The following PCDH11Y variants were observed in gnomAD, a reference collection of about 807,000 sequenced individuals.
PCDH11Y encodes the protein protocadherin 11 Y-linked, also known as protocadherin-11 Y-linked.
For synonymous variants in PCDH11Y, 9 were observed against 83.6 expected (o/e 0.11, Z 4.87); for missense variants, 12 against 224.8 (o/e 0.05, Z 6.05).
chrY:5,161,999 G>A, intron 2 of PCDH11Y, among the ~76,000 whole-genome samples: 1 of 32,013 alleles, frequency 3.1e-5, no homozygotes. Flanking sequence ...TAAGGAGACA[G>A]AGATGGTTAG....
intron 2 of PCDH11Y, among the ~76,000 whole-genome samples, chrY:5,408,061 T>G (rs1602921018): frequency 3.7e-4 from 12 of 32,823 alleles, no homozygotes; most frequent in African/African-American, 1.4e-3. Flanking sequence ...AAGGACATTC[T>G]ATAAAATACC....
chrY:5,325,561 G>T, intron 2 of PCDH11Y, among the ~76,000 whole-genome samples: 2 of 33,382 alleles, frequency 6.0e-5, no homozygotes, highest in Non-Finnish European at 1.5e-4. Flanking sequence ...AGAATTGGGA[G>T]GACCTAGGAC....
In PCDH11Y at chrY:5,578,387, C is replaced by T. The variant is rs375426439; in HGVS notation, c.3329-3388C>T. ...TTCATTTTTTTTCATGCTGATTCTGCCATATCCTGTGACCTTCAGTATAAA... is the reference window on the plus strand; with the variant it reads ...TTCATTTTTTTTCATGCTGATTCTGTCATATCCTGTGACCTTCAGTATAAA... On this transcript the variant is annotated intron_variant, in intron 3 of 4. Transcript: ENST00000400457. 5.0e-3 allele frequency among the ~76,000 whole-genome samples: 168 copies of T among 33,410 alleles called. No individual in the cohort carries two copies. The South Asian group carries it at 0.073, about 14-fold the overall frequency. The allele number at this position is 33,410 out of a possible 37,273, so 89.6% of individuals were successfully genotyped here. A position where few individuals can be genotyped will look rare whatever the true frequency, so the allele number is the denominator to read the frequency against.
intron 4 of PCDH11Y, among the ~76,000 whole-genome samples, chrY:5,704,343 T>A: frequency 3.0e-5 from 1 of 32,981 alleles, no homozygotes. Flanking sequence ...ACAATTCCAC[T>A]TGAGATTTGG....
At chrY:5,275,881 T>C in intron 2 of PCDH11Y, among the ~76,000 whole-genome samples, 1 of 33,542 alleles carries the variant, frequency 3.0e-5, no homozygotes, top group South Asian at 6.6e-4. Flanking sequence ...TATTGGAAAT[T>C]GGATGATTCA....
At chrY:5,727,871 A>T (rs2124714748) in intron 4 of PCDH11Y, among the ~76,000 whole-genome samples, 1 of 32,765 alleles carries the variant, frequency 3.1e-5, no homozygotes, top group South Asian at 6.9e-4. Context: ...CACCATTTTC[A>T]TATAGAGAAC....
At chrY:5,100,948 G>A in exon 2 of PCDH11Y, 1 of 327,816 alleles carries the variant, frequency 3.1e-6, no homozygotes, top group South Asian at 4.4e-5. Context: ...TTTGTCTGTA[G>A]ATGGCAGTAT....
At chrY:5,220,818 G>T in intron 2 of PCDH11Y, among the ~76,000 whole-genome samples, 1 of 25,421 alleles carries the variant, frequency 3.9e-5, no homozygotes, top group South Asian at 1.0e-3. Flanking sequence ...CCCGGTTCAA[G>T]TGATGATTCT....
intron 1 of PCDH11Y, among the ~76,000 whole-genome samples, chrY:5,016,339 T>C: frequency 3.1e-5 from 1 of 32,592 alleles, no homozygotes; most frequent in South Asian, 6.9e-4. Flanking sequence ...TTGGTCAGTG[T>C]GCTTTTCACT....
intron 2 of PCDH11Y, among the ~76,000 whole-genome samples, chrY:5,460,563 G>C: frequency 6.2e-5 from 2 of 32,215 alleles, no homozygotes; most frequent in Non-Finnish European, 1.5e-4. Flanking sequence ...TGCAAGATGA[G>C]TTATTTCTGC....
At chrY:5,723,012 T>C in intron 4 of PCDH11Y, among the ~76,000 whole-genome samples, 1 of 32,016 alleles carries the variant, frequency 3.1e-5, no homozygotes. Context: ...TATAAACAAT[T>C]GTATAAGATA....
At chrY:5,238,942 T>A in intron 2 of PCDH11Y, among the ~76,000 whole-genome samples, 1 of 32,478 alleles carries the variant, frequency 3.1e-5, no homozygotes, top group African/African-American at 1.2e-4. Context: ...CTGGAGAGGA[T>A]GTGGAGAAAT....
At chrY:5,471,762 CT>C in intron 2 of PCDH11Y, among the ~76,000 whole-genome samples, 1 of 32,400 alleles carries the variant, frequency 3.1e-5, no homozygotes, top group Admixed American at 2.9e-4. Context: ...ATACTTTATA[CT>C]TTGTATACAG....
chrY:5,389,009 C>T, intron 2 of PCDH11Y, among the ~76,000 whole-genome samples: 1 of 33,568 alleles, frequency 3.0e-5, no homozygotes, highest in Non-Finnish European at 7.3e-5. Context: ...ATTTATGACA[C>T]GGGCTTCTTC....
chrY:5,436,680 G>A, intron 2 of PCDH11Y, among the ~76,000 whole-genome samples: 3 of 32,680 alleles, frequency 9.2e-5, no homozygotes, highest in African/African-American at 2.4e-4. Context: ...CATGTTTCTC[G>A]TCATCTCAGT....
At chrY:5,168,001 C>T in intron 2 of PCDH11Y, among the ~76,000 whole-genome samples, 1 of 25,096 alleles carries the variant, frequency 4.0e-5, no homozygotes, top group Non-Finnish European at 9.3e-5. Flanking sequence ...AAGTAACTTT[C>T]GGGTGAATCA....
At chrY:5,117,912 C>T (rs2052813287) in intron 2 of PCDH11Y, among the ~76,000 whole-genome samples, 5 of 30,422 alleles carry the variant, frequency 1.6e-4, no homozygotes. Context: ...ATTACACATT[C>T]CGTATATTTA....
chrY:5,614,090 G>C, intron 4 of PCDH11Y, among the ~76,000 whole-genome samples: 1 of 16,793 alleles, frequency 6.0e-5, no homozygotes, highest in Non-Finnish European at 1.3e-4. Flanking sequence ...CCATTCTACT[G>C]TCGACGACTC....
intron 2 of PCDH11Y, among the ~76,000 whole-genome samples, chrY:5,370,168 C>T (rs2053185974): frequency 6.0e-5 from 2 of 33,474 alleles, no homozygotes; most frequent in Non-Finnish European, 1.5e-4. Context: ...CTTTCAGAGA[C>T]GTATTGCTGC....
Sources: gnomAD v4.1 joint callset for allele counts (sites outside exome capture counted in the v4.1 genomes callset) on GRCh38, gnomAD v4.1.1 for gene constraint, MANE v1.5 for transcripts, NCBI Gene and HGNC (gene_info 2026-07-23, HGNC 2026-07-21) for gene names.